ZNF518A: variants seen among roughly 807,000 people sequenced by gnomAD.
The protein encoded by ZNF518A is zinc finger protein 518A.
ZNF518A carries 47 observed loss-of-function variants against 102.7 expected under a neutral mutation model. That is an observed-to-expected ratio of 0.46 (90% CI 0.36 to 0.58). ZNF518A has a LOEUF of 0.58. Ranked by LOEUF, ZNF518A falls within the 20% of genes least tolerant of loss-of-function variation. The pLI, the probability that ZNF518A is intolerant of heterozygous loss-of-function variation, is 0.00. For missense variants in ZNF518A, 1,793 were observed against 1,699.8 expected (o/e 1.05, Z -0.96); for synonymous variants, 652 against 594.6 (o/e 1.10, Z -1.40).
intron 1 of ZNF518A, chr10:96,189,292 G>A (rs2083293776): frequency 4.5e-6 from 2 of 448,546 alleles, no homozygotes; most frequent in Middle Eastern, 7.2e-4. Context: ...AGAAAGGACA[G>A]CCAGATATTG....
rs2083010206 is a variant in ZNF518A at position 96,161,786 on chromosome 10, G to C, written c.*1012G>C. 1 of 166,860 alleles carries C rather than the reference G, an allele frequency of 6.0e-6. No homozygotes were observed. Among genetic ancestry groups the C allele is most frequent in the Non-Finnish European group, 1.5e-5 (1 of 67,996 alleles). The allele number at this position is 166,860 out of a possible 1,614,324, so 10.3% of individuals were successfully genotyped here. On this transcript the variant is annotated 3_prime_UTR_variant, in exon 6 of 6. Coordinates refer to ENST00000316045, the MANE Select transcript of ZNF518A (RefSeq NM_001330736.2). ...TTATTATTTGAACATGTCCAAATTA[G>C]GACAAAGCATTTCTGTTAGCTGCTT...
At chr10:96,148,316 T>C (rs2082264648) in intron 3 of ZNF518A, among the ~76,000 whole-genome samples, 1 of 152,096 alleles carries the variant, frequency 6.6e-6, no homozygotes, top group African/African-American at 2.4e-5. Flanking sequence ...GGCACATGCC[T>C]ATAATCCCAG....
Position 96,200,843 on chromosome 10 carries a change from C to T in ZNF518A, n.36-2731C>T, listed in dbSNP as rs1178462002. On this transcript the variant is annotated intron_variant and non_coding_transcript_variant, in intron 1 of 2. Transcript: ENST00000442635. This position sits in a 1 kb window ranked among gnomAD's most constrained non-coding sequence, Gnocchi z 4.3. ...ACAACTGGGTATTCTGTCCCTATTA[C>T]CAAATGACAGTTCACATAATGATGT... The T allele has an allele frequency of 7.2e-6, 6 of 831,616 alleles. No homozygotes were observed. The African/African-American group carries it at 1.0e-4, about 14-fold the overall frequency. 51.5% of individuals were successfully genotyped at this position (831,616 alleles called of 1,614,324 possible). A position where few individuals can be genotyped will look rare whatever the true frequency, so the allele number is the denominator to read the frequency against.
At chr10:96,155,096 T>C (rs2082635498) in intron 3 of ZNF518A, among the ~76,000 whole-genome samples, 1 of 152,200 alleles carries the variant, frequency 6.6e-6, no homozygotes, top group Non-Finnish European at 1.5e-5. Context: ...ACATGTAATT[T>C]TTCTAATAAT....
intron 1 of ZNF518A, among the ~76,000 whole-genome samples, chr10:96,178,278 A>G (rs1455493108): frequency 6.6e-6 from 1 of 152,148 alleles, no homozygotes; most frequent in Non-Finnish European, 1.5e-5. Context: ...ACAGAATTCA[A>G]TTAGAAATCA....
Position 96,162,211 on chromosome 10 carries a change from C to T in ZNF518A, c.*1437C>T, listed in dbSNP as rs1448228851. The T allele has an allele frequency of 1.8e-5, 3 of 166,794 alleles. No individual in the cohort carries two copies. Among genetic ancestry groups the T allele is most frequent in the Admixed American group, 1.3e-4 (2 of 15,262 alleles). The allele number at this position is 166,794 out of a possible 1,614,324, so 10.3% of individuals were successfully genotyped here. A position where few individuals can be genotyped will look rare whatever the true frequency, so the allele number is the denominator to read the frequency against. On this transcript the variant is annotated 3_prime_UTR_variant, in exon 6 of 6. Transcript: ENST00000316045. ...GTAAATTTTGCACAGAAATTTTTGGCATAAGTTTATTTTCTTTCAGTTTAG... is the reference window on the plus strand; with the variant it reads ...GTAAATTTTGCACAGAAATTTTTGGTATAAGTTTATTTTCTTTCAGTTTAG...
chr10:96,164,335 T>C (rs1362849257), downstream of ZNF518A, among the ~76,000 whole-genome samples: 3 of 152,248 alleles, frequency 2.0e-5, no homozygotes, highest in African/African-American at 7.2e-5. Flanking sequence ...TTCTTTGCCT[T>C]AGCAACTTGT....
At chr10:96,138,242 C>G (rs1002120010) in intron 3 of ZNF518A, among the ~76,000 whole-genome samples, 15 of 152,220 alleles carry the variant, frequency 9.9e-5, no homozygotes, top group East Asian at 3.8e-4. Context: ...TGGTAATTCT[C>G]TGCCCACAAT....
At chr10:96,152,188 C>A (rs1453621532) in intron 3 of ZNF518A, among the ~76,000 whole-genome samples, 1 of 151,996 alleles carries the variant, frequency 6.6e-6, no homozygotes, top group African/African-American at 2.4e-5. Flanking sequence ...TGGTGTATAC[C>A]TGTAGTCCCT....
intron 1 of ZNF518A, among the ~76,000 whole-genome samples, chr10:96,176,193 A>G (rs782273092): frequency 6.6e-6 from 1 of 152,032 alleles, no homozygotes; most frequent in South Asian, 2.1e-4. Flanking sequence ...GGCTTCCCAA[A>G]GCAATGTTAT....
chr10:96,137,465 C>CT (rs1402311610), intron 3 of ZNF518A, among the ~76,000 whole-genome samples: 1 of 152,214 alleles, frequency 6.6e-6, no homozygotes, highest in East Asian at 1.9e-4. Context: ...CCTTTCTCCT[C>CT]TAAAACTCCA....
rs1554886171 is a variant in ZNF518A at position 96,159,519 on chromosome 10, A to G, written c.3197A>G (p.Asn1066Ser). 6.2e-7 allele frequency: 1 copy of G among 1,613,850 alleles called. No homozygotes were observed. Among genetic ancestry groups the G allele is most frequent in the Admixed American group, 1.7e-5 (1 of 60,024 alleles). ...TSSVKAVLIP[N>S]MLSEQQSTKL... ...TCTGTGAAAGCTGTTCTTATTCCTAACATGCTATCTGAGCAACAGAGCACT... is the reference window on the plus strand; with the variant it reads ...TCTGTGAAAGCTGTTCTTATTCCTAGCATGCTATCTGAGCAACAGAGCACT... The change falls in exon 6 of 6, where the codon AAC (asparagine) becomes AGC (serine). Residue 1066 changes from asparagine (N) to serine (S), a missense_variant. Physicochemically the swap from Asn to Ser is conservative, Grantham distance 46. Around this residue, in one of 3 missense-constraint regions of ZNF518A, gnomAD observed 1,741 missense variants for 1,622.6 expected, o/e 1.07. Coordinates refer to ENST00000316045, the MANE Select transcript of ZNF518A (RefSeq NM_001330736.2).
rs781998046 is a variant in ZNF518A, at chr10:96,158,620, T to C, written c.2298T>C (p.Ser766=). ...CACCTATGATGCCTAGAATCACATC[T>C]GTTTTCTCTCTCCAGAGCCAACAGG... is the stretch of plus-strand genomic sequence containing the variant. ...VDSPMMPRIT[S]VFSLQSQQAS... is the part of the protein sequence containing the mutation. The change falls in exon 6 of 6, where the codon TCT becomes TCC. Residue 766 remains serine (S), a synonymous_variant. Transcript: ENST00000316045. The C allele has an allele frequency of 6.2e-7, 1 of 1,613,462 alleles. No homozygotes were observed. The highest frequency in any genetic ancestry group is 1.1e-5 in the South Asian group (1 of 91,036).
chr10:96,181,138 G>A (rs1248169631), intron 1 of ZNF518A, among the ~76,000 whole-genome samples: 1 of 152,200 alleles, frequency 6.6e-6, no homozygotes, highest in African/African-American at 2.4e-5. Context: ...CTGCATAAAA[G>A]TCTTCTTTTG....
intron 3 of ZNF518A, among the ~76,000 whole-genome samples, chr10:96,142,634 T>G (rs191229364): frequency 1.9e-3 from 291 of 152,232 alleles, no homozygotes; most frequent in South Asian, 3.9e-3. Context: ...AGCAGATAGA[T>G]TCTTCCTTTT....
chr10:96,178,429 C>T (rs1429115705), intron 1 of ZNF518A, among the ~76,000 whole-genome samples: 1 of 151,938 alleles, frequency 6.6e-6, no homozygotes, highest in Non-Finnish European at 1.5e-5. Context: ...ATCTATATTA[C>T]AATTCATTGA....
intron 1 of ZNF518A, among the ~76,000 whole-genome samples, chr10:96,186,688 G>A (rs587707062): frequency 3.3e-5 from 5 of 152,280 alleles, no homozygotes; most frequent in South Asian, 2.1e-4. Flanking sequence ...GAGCCACTGC[G>A]CCTGGCCTAG....
chr10:96,202,319 A>G (rs1461310486), intron 1 of ZNF518A, among the ~76,000 whole-genome samples: 52 of 152,226 alleles, frequency 3.4e-4, no homozygotes, highest in African/African-American at 1.2e-3. Context: ...GCAACAGCAG[A>G]GTGGGGGAGG....
downstream of ZNF518A, chr10:96,204,215 T>C: frequency 9.4e-7 from 1 of 1,061,662 alleles, no homozygotes; most frequent in Non-Finnish European, 1.4e-6. Context: ...GCCAATAAAA[T>C]GTATCTAAAG....
Sources: allele counts gnomAD v4.1 joint callset (sites outside exome capture counted in the v4.1 genomes callset), GRCh38; gene constraint gnomAD v4.1.1; regional missense constraint gnomAD v4.1.1; non-coding constraint Gnocchi (gnomAD v3.1); transcripts MANE v1.5; gene names NCBI Gene and HGNC (gene_info 2026-07-23, HGNC 2026-07-21).